Variants in CMSS1 observed in about 807,000 individuals in gnomAD.
The protein encoded by CMSS1 is protein CMSS1.
In CMSS1, 33 loss-of-function variants were observed where a neutral mutation model predicts 43.5. The observed-to-expected ratio is 0.76, with a 90% CI of 0.57 to 1.01. CMSS1 has a LOEUF of 1.01. CMSS1 is among the 50% of genes least tolerant of loss of function. The pLI is 0.00. For synonymous variants in CMSS1, 115 were observed against 117.2 expected, an observed-to-expected ratio of 0.98 and a Z score of 0.12; for missense variants, 313 against 326.4, an observed-to-expected ratio of 0.96 and a Z score of 0.32.
At chr3:99,970,946 A>C (rs757337597) in intron 1 of CMSS1, among the ~76,000 whole-genome samples, 1 of 152,212 alleles carries the variant, frequency 6.6e-6, no homozygotes, top group Non-Finnish European at 1.5e-5. Context: ...ATGTGAAGGA[A>C]TAGGGCTTGG....
chr3:99,921,211 A>G (rs1019558404), intron 1 of CMSS1, among the ~76,000 whole-genome samples: 7 of 152,196 alleles, frequency 4.6e-5, no homozygotes, highest in African/African-American at 1.7e-4. Context: ...GTGTTTTGCC[A>G]TGTCACTTGA....
chr3:100,054,406 G>C (rs999462253), intron 1 of CMSS1, among the ~76,000 whole-genome samples: 3 of 152,184 alleles, frequency 2.0e-5, no homozygotes, highest in African/African-American at 7.2e-5. Flanking sequence ...GCTGGGGAGT[G>C]GCTGTCCCGT....
At chr3:99,863,552 A>C (rs1216343771) in intron 1 of CMSS1, among the ~76,000 whole-genome samples, 1 of 152,220 alleles carries the variant, frequency 6.6e-6, no homozygotes, top group African/African-American at 2.4e-5. Context: ...CAGCAGATTG[A>C]AAGATACCCT....
chr3:99,817,972 G>T lies in CMSS1; in HGVS notation c.-8G>T. On this transcript the variant is annotated 5_prime_UTR_variant, in exon 1 of 10. Coordinates refer to ENST00000421999, the MANE Select transcript of CMSS1 (RefSeq NM_032359.4). ...TGATGTTCTGCCCACGTCGAGACCT[G>T]AGCTGAAATGGCAGACGATCTCGGA... 1 of 1,614,018 alleles carries T rather than the reference G, an allele frequency of 6.2e-7. No homozygotes were observed. The highest frequency in any genetic ancestry group is 8.5e-7 in the Non-Finnish European group (1 of 1,179,968).
rs375313200 is a variant in CMSS1, at chr3:100,095,566, G to A, written c.65-51407G>A. ...GGTGCTAGGAAAACTGGACATTTAT[G>A]TGCAGAAGAATGAAACTTGACCCCT... is the stretch of plus-strand genomic sequence containing the variant. On this transcript the variant is annotated intron_variant, in intron 1 of 9. Transcript: ENST00000421999. Among the ~76,000 whole-genome samples the A allele has an allele frequency of 7.9e-5, 12 of 152,008 alleles. No homozygotes were observed. In the East Asian group the frequency reaches 9.6e-4, roughly 12 times the overall value.
intron 1 of CMSS1, among the ~76,000 whole-genome samples, chr3:100,007,045 A>AT: frequency 6.6e-6 from 1 of 152,272 alleles, no homozygotes; most frequent in African/African-American, 2.4e-5. Flanking sequence ...CTTAGCTGGT[A>AT]TTTTCCACAT....
chr3:100,077,504 G>A (rs1030266104), intron 1 of CMSS1, among the ~76,000 whole-genome samples: 2 of 152,222 alleles, frequency 1.3e-5, no homozygotes, highest in Non-Finnish European at 2.9e-5. Context: ...TTAAGATAAG[G>A]AGGATTTAAG....
At chr3:100,029,581 T>G (rs528110081) in intron 1 of CMSS1, among the ~76,000 whole-genome samples, 1 of 152,310 alleles carries the variant, frequency 6.6e-6, no homozygotes, top group East Asian at 1.9e-4. Context: ...TTCTTTGAGC[T>G]TAAGGTTTAT....
chr3:99,944,132 A>C (rs1707934220), intron 1 of CMSS1, among the ~76,000 whole-genome samples: 1 of 152,248 alleles, frequency 6.6e-6, no homozygotes, highest in Admixed American at 6.5e-5. Flanking sequence ...TACATTACTC[A>C]GGCCCTACCT....
At chr3:99,867,732 C>A (rs991338058) in intron 1 of CMSS1, among the ~76,000 whole-genome samples, 6 of 152,138 alleles carry the variant, frequency 3.9e-5, no homozygotes, top group African/African-American at 1.4e-4. Context: ...GTCCTTTCCT[C>A]CCTTCTTTCC....
intron 1 of CMSS1, among the ~76,000 whole-genome samples, chr3:100,017,514 TAGTAACCAA>T (rs764183444): frequency 3.9e-5 from 6 of 152,212 alleles, no homozygotes; most frequent in Non-Finnish European, 7.3e-5. Context: ...GTAAGCACCA[TAGTAACCAA>T]AGAGTGAAAT....
At chr3:100,086,445 T>C (rs1188796162) in intron 1 of CMSS1, among the ~76,000 whole-genome samples, 1 of 152,242 alleles carries the variant, frequency 6.6e-6, no homozygotes, top group Non-Finnish European at 1.5e-5. Context: ...GTTCTACTCT[T>C]ATCTGTGCTT....
intron 1 of CMSS1, among the ~76,000 whole-genome samples, chr3:100,109,580 C>A (rs575304620): frequency 6.6e-6 from 1 of 152,154 alleles, no homozygotes; most frequent in African/African-American, 2.4e-5. Flanking sequence ...TGAACTCATT[C>A]AGGATGCAGC....
intron 1 of CMSS1, among the ~76,000 whole-genome samples, chr3:99,981,856 C>T (rs1166593098): frequency 2.6e-5 from 4 of 152,138 alleles, no homozygotes; most frequent in South Asian, 2.1e-4. Flanking sequence ...AGTCAAGCCA[C>T]GGCCAGGCAT....
chr3:100,004,092 G>A lies in CMSS1; in HGVS notation c.65-142881G>A, dbSNP rs117766052. Among the ~76,000 whole-genome samples the A allele has an allele frequency of 1.1e-4, 16 of 152,092 alleles. No homozygotes were observed. In the East Asian group the frequency reaches 1.9e-3, roughly 18 times the overall value. ...CTGGAGGCAAAATCCACCTTGATTC[G>A]GCCTACTGAGAGACAGTATTGGCTT... On this transcript the variant is annotated intron_variant, in intron 1 of 9. Transcript: ENST00000421999.
chr3:100,098,002 G>A lies in CMSS1; in HGVS notation c.65-48971G>A, dbSNP rs142657576. Among the ~76,000 whole-genome samples the A allele has an allele frequency of 4.6e-3, 706 of 152,274 alleles. 2 individuals are homozygous for A. Among genetic ancestry groups the A allele is most frequent in the South Asian group, 7.0e-3 (34 of 4,828 alleles). On this transcript the variant is annotated intron_variant, in intron 1 of 9. Coordinates refer to ENST00000421999, the MANE Select transcript of CMSS1 (RefSeq NM_032359.4). ...ATAGTGATTTTTAATGTTTAGCTAG[G>A]CATAGTAATGGTACGTGCCACATTG...
chr3:99,989,905 A>G (rs1028235856), intron 1 of CMSS1, among the ~76,000 whole-genome samples: 1 of 152,128 alleles, frequency 6.6e-6, no homozygotes, highest in Non-Finnish European at 1.5e-5. Flanking sequence ...AAACTGGAGT[A>G]GTTATTTCCT....
chr3:99,853,318 A>G (rs1315895952), intron 1 of CMSS1, among the ~76,000 whole-genome samples: 1 of 152,238 alleles, frequency 6.6e-6, no homozygotes, highest in Non-Finnish European at 1.5e-5. Flanking sequence ...TCTCTACACC[A>G]CAGTTCTTAC....
intron 1 of CMSS1, among the ~76,000 whole-genome samples, chr3:99,979,486 A>G (rs1467823416): frequency 6.6e-6 from 1 of 152,198 alleles, no homozygotes; most frequent in Non-Finnish European, 1.5e-5. Flanking sequence ...CCAGCATTGG[A>G]GTCAGGTTGT....
Sources: gnomAD v4.1 joint callset for allele counts (sites outside exome capture counted in the v4.1 genomes callset) on GRCh38, gnomAD v4.1.1 for gene constraint, MANE v1.5 for transcripts, NCBI Gene and HGNC (gene_info 2026-07-23, HGNC 2026-07-21) for gene names.